Variants in REV3L observed in about 807,000 individuals in gnomAD.
REV3L encodes REV3 like, DNA directed polymerase zeta catalytic subunit, also known as DNA polymerase zeta catalytic subunit.
REV3L carries 69 observed loss-of-function variants against 299.4 expected under a neutral mutation model. The observed-to-expected ratio is 0.23, with a 90% CI of 0.19 to 0.28. The LOEUF (loss-of-function observed/expected upper bound fraction) is 0.28. Among genes scored for constraint, REV3L ranks in the 10% least tolerant of loss-of-function variants. The probability of loss-of-function intolerance (pLI) is 1.00; values close to 1 mark genes in which losing one functional copy is unlikely to be tolerated. For missense variants in REV3L, 3,128 were observed against 3,693.8 expected, an observed-to-expected ratio of 0.85 and a Z score of 3.97; for synonymous variants, 1,238 against 1,271.4, an observed-to-expected ratio of 0.97 and a Z score of 0.56.
intron 1 of REV3L, among the ~76,000 whole-genome samples, chr6:111,440,925 T>G (rs2128307894): frequency 6.6e-6 from 1 of 152,356 alleles, no homozygotes. Flanking sequence ...CTCCTCTCGC[T>G]TCTTGCTTGC....
chr6:111,472,306 G>A (rs1019727977), intron 1 of REV3L, among the ~76,000 whole-genome samples: 4 of 151,948 alleles, frequency 2.6e-5, no homozygotes, highest in Non-Finnish European at 5.9e-5. Context: ...TTACTTTGAA[G>A]TATAAATATA....
chr6:111,364,003 A>G, intron 15 of REV3L, 25 bp from the exon 16 acceptor site: 1 of 1,588,246 alleles, frequency 6.3e-7, no homozygotes, highest in Non-Finnish European at 8.5e-7. Flanking sequence ...ACACACACAC[A>G]CAGCCAGAAA....
chr6:111,471,696 G>A (rs1792238827), intron 1 of REV3L, among the ~76,000 whole-genome samples: 1 of 152,122 alleles, frequency 6.6e-6, no homozygotes, highest in African/African-American at 2.4e-5. Context: ...ACTTGCTCGG[G>A]GTCTCTCAGC....
rs1554213969 is a variant in REV3L, at chr6:111,381,462, T to C, written c.1097-18A>G. 8.2e-6 allele frequency: 13 copies of C among 1,585,310 alleles called. No individual in the cohort carries two copies. In the South Asian group the frequency reaches 1.4e-4, roughly 17 times the overall value. Reference sequence around the variant, plus strand: ...AGTGTGACCTTAATTTGACAAAGAATAAAAAAAATTGAAGCAATGGCCTAA... The same window carrying C: ...AGTGTGACCTTAATTTGACAAAGAACAAAAAAAATTGAAGCAATGGCCTAA... On this transcript the variant is annotated intron_variant, in intron 9 of 31. Coordinates refer to ENST00000368802, the MANE Select transcript of REV3L (RefSeq NM_001372078.1).
At chr6:111,432,550 A>G (rs978236690) in intron 1 of REV3L, among the ~76,000 whole-genome samples, 2 of 152,248 alleles carry the variant, frequency 1.3e-5, no homozygotes, top group Admixed American at 6.5e-5. Flanking sequence ...ATCTGAGTGC[A>G]TAAAGCAAAT....
rs1771317542 is a variant in REV3L at position 111,300,150 on chromosome 6, T to A, written c.9259A>T (p.Lys3087Ter). The change falls in exon 32 of 32, where the codon AAG becomes TAG. Residue 3087 changes from lysine to a stop codon, truncating the protein, a stop_gained. Transcript: ENST00000368802. LOFTEE classifies it high-confidence loss of function. Reference protein sequence around the residue: ...RQQEQLVKICKNCTGCFDRHI... With the variant: ...RQQEQLVKIC ...CGATCAAAGCAACCTGTACAGTTCT[T>A]GCATATCTGAAAGCATAAGAGAAAT... 1 of 1,582,322 alleles carries A rather than the reference T, an allele frequency of 6.3e-7. No individual in the cohort carries two copies. Among genetic ancestry groups the A allele is most frequent in the Non-Finnish European group, 8.6e-7 (1 of 1,168,160 alleles).
chr6:111,483,032 G>A lies in REV3L; in HGVS notation c.-144C>T. 1 of 1,056,476 alleles carries A rather than the reference G, an allele frequency of 9.5e-7. No individual in the cohort carries two copies. Among genetic ancestry groups the A allele is most frequent in the South Asian group, 2.5e-5 (1 of 39,820 alleles). The allele number at this position is 1,056,476 out of a possible 1,614,324, so 65.4% of individuals were successfully genotyped here. On this transcript the variant is annotated 5_prime_UTR_variant, in exon 1 of 32. Transcript: ENST00000368802. ...CCCTCACACAGAGGCACCTCGAGGA[G>A]CGGCGGGCGGGGCGGTGTAGGCGCT...
At chr6:111,308,904 G>T (rs1772642139) in intron 30 of REV3L, among the ~76,000 whole-genome samples, 1 of 152,216 alleles carries the variant, frequency 6.6e-6, no homozygotes, top group South Asian at 2.1e-4. Context: ...GCCAGTTTAG[G>T]ACAGAGGATC....
Position 111,367,357 on chromosome 6 carries a change from C to T in REV3L, c.6431G>A (p.Arg2144Lys). The change falls in exon 14 of 32, where the codon AGA (arginine) becomes AAA (lysine). Residue 2144 changes from arginine (R) to lysine (K), a missense_variant. Physicochemically the swap from Arg to Lys is conservative, Grantham distance 26 (BLOSUM62 2). Coordinates refer to ENST00000368802, the MANE Select transcript of REV3L (RefSeq NM_001372078.1). ...CAGCTCCTCTACTGGTGATGAGGGT[C>T]TATCATCTCCATTTAATGCTTTGGA... The part of the protein sequence containing the change: ...PDSKALNGDD[R>K]PSSPVEELPS... 1 of 1,607,000 alleles carries T rather than the reference C, an allele frequency of 6.2e-7. No individual in the cohort carries two copies. Among genetic ancestry groups the T allele is most frequent in the Non-Finnish European group, 8.5e-7 (1 of 1,177,436 alleles).
At chr6:111,380,260 T>C (rs753568960) in intron 10 of REV3L, 41 bp from the exon 11 acceptor site, 3 of 554,220 alleles carry the variant, frequency 5.4e-6, no homozygotes, top group Admixed American at 4.0e-5. Context: ...ATAAGTTTTC[T>C]TTTTTTTTTT....
chr6:111,382,218 C>A (rs1439062570), intron 9 of REV3L, among the ~76,000 whole-genome samples: 2 of 152,066 alleles, frequency 1.3e-5, no homozygotes, highest in African/African-American at 4.8e-5. Flanking sequence ...ACTGAACTAC[C>A]CACACAAGAA....
chr6:111,456,645 G>T (rs1471927453), intron 1 of REV3L, among the ~76,000 whole-genome samples: 1 of 152,010 alleles, frequency 6.6e-6, no homozygotes, highest in Non-Finnish European at 1.5e-5. Flanking sequence ...CATATAACTA[G>T]TTCCCCCAAA....
chr6:111,317,321 TTAAAA>T (rs1773647903), intron 26 of REV3L, among the ~76,000 whole-genome samples: 1 of 152,258 alleles, frequency 6.6e-6, no homozygotes, highest in Non-Finnish European at 1.5e-5. Flanking sequence ...CTAAAAGTCT[TTAAAA>T]TAAATATTGT....
Position 111,365,304 on chromosome 6 carries a change from A to G in REV3L, c.6714T>C (p.Asn2238=). 6.3e-7 allele frequency: 1 copy of G among 1,575,114 alleles called. No homozygotes were observed. Among genetic ancestry groups the G allele is most frequent in the Non-Finnish European group, 8.6e-7 (1 of 1,161,184 alleles). The change falls in exon 15 of 32, where the codon AAT becomes AAC. Residue 2238 remains asparagine, a synonymous_variant. Transcript: ENST00000368802. ...TQKLSNKKGS[N]TDTLRRVLLT... Reference sequence around the variant, plus strand: ...ACAGTACTCTTCTAAGAGTGTCAGTATTACTTCCTTTCTTATTACTCAACT... The same window carrying G: ...ACAGTACTCTTCTAAGAGTGTCAGTGTTACTTCCTTTCTTATTACTCAACT...
chr6:111,460,970 C>T (rs1459161720), intron 1 of REV3L, among the ~76,000 whole-genome samples: 4 of 152,012 alleles, frequency 2.6e-5, no homozygotes, highest in African/African-American at 7.2e-5. Context: ...CCTACACTGC[C>T]AGTTGTATAA....
chr6:111,309,753 G>C, intron 30 of REV3L, 100 bp downstream of exon 30: 1 of 1,328,440 alleles, frequency 7.5e-7, no homozygotes, highest in South Asian at 1.5e-5. Context: ...TCCCTTCCCA[G>C]CACTCCCATA....
At chr6:111,330,103 T>C (rs887752817) in intron 24 of REV3L, among the ~76,000 whole-genome samples, 5 of 152,224 alleles carry the variant, frequency 3.3e-5, no homozygotes, top group African/African-American at 1.2e-4. Context: ...ATGGGACTTG[T>C]ATCACTCATA....
chr6:111,358,396 A>C (rs1778314027), intron 17 of REV3L, among the ~76,000 whole-genome samples: 1 of 152,146 alleles, frequency 6.6e-6, no homozygotes, highest in Non-Finnish European at 1.5e-5. Context: ...TAATACTTAG[A>C]ACAAATTATA....
Position 111,334,465 on chromosome 6 carries a change from T to G in REV3L, c.7680+1004A>C, listed in dbSNP as rs568141807. Among the ~76,000 whole-genome samples the G allele has an allele frequency of 1.3e-4, 20 of 152,242 alleles. No individual in the cohort carries two copies. In the South Asian group the frequency reaches 3.9e-3, roughly 30 times the overall value. On this transcript the variant is annotated intron_variant, in intron 22 of 31. Coordinates refer to ENST00000368802, the MANE Select transcript of REV3L (RefSeq NM_001372078.1). ...AATTATAAAGTATTGAATGTGGCTT[T>G]TGTTGTGGAAATAATTAAAAAATAA...
Sources: allele counts gnomAD v4.1 joint callset (sites outside exome capture counted in the v4.1 genomes callset), GRCh38; gene constraint gnomAD v4.1.1; transcripts MANE v1.5; gene names NCBI Gene and HGNC (gene_info 2026-07-23, HGNC 2026-07-21).